The following TSPAN18 variants were observed in gnomAD, a reference collection of about 807,000 sequenced individuals.
The protein encoded by TSPAN18 is tetraspanin-18.
TSPAN18 carries 14 observed loss-of-function variants against 27.3 expected under a neutral mutation model. The ratio of observed to expected loss-of-function variants is 0.51; its 90% confidence interval spans 0.34 to 0.80. TSPAN18 has a LOEUF of 0.80. TSPAN18 is among the 30% of genes least tolerant of loss of function. The pLI, the probability that TSPAN18 is intolerant of heterozygous loss-of-function variation, is 0.01. For missense variants in TSPAN18, 268 were observed against 323.9 expected (o/e 0.83, Z 1.32); for synonymous variants, 143 against 136.5 (o/e 1.05, Z -0.33).
At position 44,914,076 on chromosome 11, in the gene TSPAN18, A is replaced by G. The variant is rs117756405; in HGVS notation, c.259-3896A>G. Among the ~76,000 whole-genome samples, 88 of 152,342 alleles carry G rather than the reference A, an allele frequency of 5.8e-4. 1 individual carries two copies. The East Asian group carries it at 0.016, about 27-fold the overall frequency. ...CCAGGCCTTGGGCTTGGGGAGGCCC[A>G]CTTCCTCCAGTCCACGGCTTCCCAG... On this transcript the variant is annotated intron_variant, in intron 5 of 9. Coordinates refer to ENST00000520358, the MANE Select transcript of TSPAN18 (RefSeq NM_130783.5).
intron 1 of TSPAN18, among the ~76,000 whole-genome samples, chr11:44,749,475 A>G (rs1855157784): frequency 6.6e-6 from 1 of 152,214 alleles, no homozygotes; most frequent in Non-Finnish European, 1.5e-5. Context: ...TTCCCAAGTG[A>G]CATTGCACAA....
At chr11:44,910,827 C>A (rs1464862708) in intron 5 of TSPAN18, among the ~76,000 whole-genome samples, 1 of 152,200 alleles carries the variant, frequency 6.6e-6, no homozygotes, top group Non-Finnish European at 1.5e-5. Context: ...TGCGGATGAG[C>A]TGGGCAGTGG....
chr11:44,770,152 A>G (rs1855658566), intron 2 of TSPAN18, among the ~76,000 whole-genome samples: 1 of 152,230 alleles, frequency 6.6e-6, no homozygotes, highest in African/African-American at 2.4e-5. Context: ...GAAATAGCAG[A>G]GTCTCTGCCC....
intron 2 of TSPAN18, among the ~76,000 whole-genome samples, chr11:44,768,338 G>A (rs544503266): frequency 1.9e-4 from 29 of 152,122 alleles, no homozygotes; most frequent in Non-Finnish European, 3.7e-4. Flanking sequence ...TTATTCTCAA[G>A]TATTTTATTT....
At chr11:44,729,349 C>G (rs1315652586) in intron 1 of TSPAN18, among the ~76,000 whole-genome samples, 14 of 152,152 alleles carry the variant, frequency 9.2e-5, no homozygotes, top group Non-Finnish European at 1.6e-4. Flanking sequence ...TGGAACCTGC[C>G]TGGGAGCATG....
At chr11:44,907,986 C>A (rs1241179956) in intron 4 of TSPAN18, among the ~76,000 whole-genome samples, 1 of 146,226 alleles carries the variant, frequency 6.8e-6, no homozygotes, top group Non-Finnish European at 1.5e-5. Flanking sequence ...ACCTGCGAGG[C>A]AGAGGTTGTG....
At chr11:44,787,835 T>A (rs1856094821) in intron 2 of TSPAN18, among the ~76,000 whole-genome samples, 1 of 152,168 alleles carries the variant, frequency 6.6e-6, no homozygotes, top group Admixed American at 6.5e-5. Flanking sequence ...TCTGGAGTTC[T>A]CAGAAGACCC....
At chr11:44,780,536 G>A (rs950378637) in intron 2 of TSPAN18, among the ~76,000 whole-genome samples, 1 of 152,236 alleles carries the variant, frequency 6.6e-6, no homozygotes, top group Non-Finnish European at 1.5e-5. Flanking sequence ...TATGGCCTTT[G>A]CCCTGACAAA....
intron 2 of TSPAN18, among the ~76,000 whole-genome samples, chr11:44,782,239 G>A (rs1050348729): frequency 1.3e-5 from 2 of 152,118 alleles, no homozygotes; most frequent in Admixed American, 6.5e-5. Flanking sequence ...TAGGGTAGGT[G>A]TATGTATAAC....
intron 4 of TSPAN18, among the ~76,000 whole-genome samples, chr11:44,908,765 A>G (rs1237814652): frequency 1.2e-5 from 1 of 82,326 alleles, no homozygotes; most frequent in Admixed American, 1.5e-4. Context: ...AGAGAGAGAG[A>G]AAGGAGAAAG....
chr11:44,769,853 T>A (rs1208015246), intron 2 of TSPAN18, among the ~76,000 whole-genome samples: 1 of 152,234 alleles, frequency 6.6e-6, no homozygotes, highest in Non-Finnish European at 1.5e-5. Flanking sequence ...TATAGATCTT[T>A]TCAAAGAACC....
In TSPAN18 at chr11:44,828,461, G is replaced by A. The variant is rs905333500; in HGVS notation, c.-152-31867G>A. ...TATAGGAGGATGAAGGGGTGCTCAG[G>A]GCCTTTGCAGGGCTGGTATTGCCAC... On this transcript the variant is annotated intron_variant, in intron 2 of 9. Coordinates refer to ENST00000520358, the MANE Select transcript of TSPAN18 (RefSeq NM_130783.5). 2.6e-5 allele frequency among the ~76,000 whole-genome samples: 4 copies of A among 152,126 alleles called. No individual in the cohort carries two copies. The South Asian group carries it at 8.3e-4, about 31-fold the overall frequency.
In TSPAN18 at chr11:44,929,285, A is replaced by T. The variant is rs1451888952; in HGVS notation, c.*107A>T. The T allele has an allele frequency of 1.4e-6, 2 of 1,396,398 alleles. No individual in the cohort carries two copies. The highest frequency in any genetic ancestry group is 2.0e-6 in the Non-Finnish European group (2 of 1,000,876). 86.5% of individuals were successfully genotyped at this position (1,396,398 alleles called of 1,614,324 possible). A position where few individuals can be genotyped will look rare whatever the true frequency, so the allele number is the denominator to read the frequency against. The stretch of plus-strand genomic sequence containing the variant: ...CCTCTTGGCCCCAGGGGAGAAGATG[A>T]GGCCATCAGAGATGGCCAGGAGAAG... On this transcript the variant is annotated 3_prime_UTR_variant, in exon 10 of 10. Transcript: ENST00000520358.
chr11:44,913,267 C>G (rs1859790709), intron 5 of TSPAN18, among the ~76,000 whole-genome samples: 1 of 152,200 alleles, frequency 6.6e-6, no homozygotes, highest in South Asian at 2.1e-4. Flanking sequence ...GGCTGACTGT[C>G]CCCTTCCCTC....
At chr11:44,841,642 G>C (rs1423893083) in intron 2 of TSPAN18, among the ~76,000 whole-genome samples, 2 of 152,188 alleles carry the variant, frequency 1.3e-5, no homozygotes, top group East Asian at 3.8e-4. Flanking sequence ...CCTTGGGCTG[G>C]TGCCCTAAAG....
intron 3 of TSPAN18, among the ~76,000 whole-genome samples, chr11:44,892,534 G>A (rs1858888652): frequency 6.6e-6 from 1 of 152,272 alleles, no homozygotes; most frequent in African/African-American, 2.4e-5. Context: ...AACAGTCCCT[G>A]AAAGAGGGCA....
chr11:44,858,269 T>C (rs554602581), intron 2 of TSPAN18, among the ~76,000 whole-genome samples: 2 of 152,156 alleles, frequency 1.3e-5, no homozygotes, highest in East Asian at 3.9e-4. Context: ...CCTGGGCCCA[T>C]TGTCCACAGC....
intron 5 of TSPAN18, 186 bp from the exon 6 acceptor site, chr11:44,917,786 G>A: frequency 1.7e-6 from 1 of 602,662 alleles, no homozygotes; most frequent in Admixed American, 2.9e-5. Context: ...TCTCAATCCT[G>A]TTGACTCCAA....
chr11:44,731,633 T>TGTGTGTGA (rs139154582), intron 1 of TSPAN18, among the ~76,000 whole-genome samples: 17 of 107,384 alleles, frequency 1.6e-4, no homozygotes, highest in African/African-American at 2.1e-4. Context: ...TGTGTGTGTG[T>TGTGTGTGA]GAGAGAGAGA....
Sources: allele counts gnomAD v4.1 joint callset (sites outside exome capture counted in the v4.1 genomes callset), GRCh38; gene constraint gnomAD v4.1.1; transcripts MANE v1.5; gene names NCBI Gene and HGNC (gene_info 2026-07-23, HGNC 2026-07-21).